The following SLC44A5 variants were observed in gnomAD, a reference collection of about 807,000 sequenced individuals.
SLC44A5 encodes the protein choline transporter-like protein 5.
Under a neutral mutation model 101.8 loss-of-function variants are expected in SLC44A5, and 57 were observed. The ratio of observed to expected loss-of-function variants is 0.56; its 90% CI spans 0.45 to 0.70. The LOEUF (loss-of-function observed/expected upper bound fraction) is 0.70, where lower values mean the gene tolerates loss of function less well. Among genes scored for constraint, SLC44A5 ranks in the 30% least tolerant of loss-of-function variants. The probability of loss-of-function intolerance (pLI) is 0.00; values close to 1 mark genes in which losing one functional copy is unlikely to be tolerated. For synonymous variants in SLC44A5, 281 were observed against 290.9 expected (o/e 0.97, Z 0.35); for missense variants, 737 against 853.1 (o/e 0.86, Z 1.70).
intron 1 of SLC44A5, among the ~76,000 whole-genome samples, chr1:75,547,157 C>A (rs1671694408): frequency 1.3e-5 from 2 of 152,198 alleles, no homozygotes; most frequent in South Asian, 2.1e-4. Flanking sequence ...GAAGATGAAA[C>A]CTGTGCAGGA....
At chr1:75,314,819 TTTAG>T in intron 4 of SLC44A5, among the ~76,000 whole-genome samples, 1 of 152,172 alleles carries the variant, frequency 6.6e-6, no homozygotes, top group East Asian at 1.9e-4. Context: ...ATTGCTTTGT[TTTAG>T]TTAGTGTTCA....
At chr1:75,397,544 C>T (rs191060422) in intron 2 of SLC44A5, among the ~76,000 whole-genome samples, 7 of 152,160 alleles carry the variant, frequency 4.6e-5, no homozygotes, top group African/African-American at 7.2e-5. Flanking sequence ...ATAATAATAA[C>T]GATAATTAAA....
intron 2 of SLC44A5, among the ~76,000 whole-genome samples, chr1:75,514,783 T>C (rs1313364262): frequency 6.6e-6 from 1 of 152,158 alleles, no homozygotes; most frequent in Non-Finnish European, 1.5e-5. Flanking sequence ...AGACCATATT[T>C]CCAGTACAAT....
intron 3 of SLC44A5, among the ~76,000 whole-genome samples, chr1:75,388,387 T>C (rs1005688822): frequency 1.3e-5 from 2 of 151,772 alleles, no homozygotes; most frequent in Non-Finnish European, 2.9e-5. Context: ...ACAGAACCTA[T>C]AAAAAATAAC....
intron 2 of SLC44A5, among the ~76,000 whole-genome samples, chr1:75,409,425 A>T (rs1011076255): frequency 9.2e-5 from 14 of 152,028 alleles, no homozygotes; most frequent in Non-Finnish European, 1.8e-4. Context: ...AATTTTTTTT[A>T]AAAAAGAAAG....
intron 3 of SLC44A5, among the ~76,000 whole-genome samples, chr1:75,392,591 TG>T (rs1349512695): frequency 2.0e-5 from 3 of 152,214 alleles, no homozygotes; most frequent in African/African-American, 7.2e-5. Context: ...GAAAGCAGTT[TG>T]GAGATTTCTC....
At chr1:75,564,036 A>G (rs1296143900) in intron 1 of SLC44A5, among the ~76,000 whole-genome samples, 1 of 152,222 alleles carries the variant, frequency 6.6e-6, no homozygotes, top group Non-Finnish European at 1.5e-5. Flanking sequence ...CCCTCTCTAC[A>G]TATTTAGATG....
At chr1:75,385,844 C>A (rs6665785) in intron 3 of SLC44A5, among the ~76,000 whole-genome samples, 77,289 of 151,272 alleles carry the variant, frequency 0.51, 21,602 homozygotes, top group East Asian at 0.94. Context: ...GCAGCACATC[C>A]AAAAGCTTAT....
intron 13 of SLC44A5, among the ~76,000 whole-genome samples, chr1:75,227,079 G>A (rs1031432397): frequency 6.6e-6 from 1 of 152,008 alleles, no homozygotes; most frequent in African/African-American, 2.4e-5. Flanking sequence ...TTTCAGGCTG[G>A]GCACGGTGGC....
intron 2 of SLC44A5, among the ~76,000 whole-genome samples, chr1:75,515,567 T>C (rs1400365649): frequency 6.6e-6 from 1 of 152,248 alleles, no homozygotes; most frequent in African/African-American, 2.4e-5. Context: ...CTCAGCACGA[T>C]GTTCTCCAAT....
intron 1 of SLC44A5, among the ~76,000 whole-genome samples, chr1:75,593,330 C>T (rs914260873): frequency 6.6e-6 from 1 of 151,916 alleles, no homozygotes; most frequent in Non-Finnish European, 1.5e-5. Context: ...AAAAGACAGG[C>T]AATAACAAAT....
intron 3 of SLC44A5, among the ~76,000 whole-genome samples, chr1:75,354,253 C>G (rs74938664): frequency 0.012 from 1,863 of 152,226 alleles, 35 homozygotes; most frequent in African/African-American, 0.043. Flanking sequence ...GGTGGGTGTT[C>G]TAGGCATTCT....
At chr1:75,664,796 C>T in the SLC44A5 span, among the ~76,000 whole-genome samples, 2 of 151,812 alleles carry the variant, frequency 1.3e-5, no homozygotes, top group African/African-American at 2.4e-5. Flanking sequence ...TGGTGGGCGC[C>T]TGTAGTCCCA....
intron 2 of SLC44A5, among the ~76,000 whole-genome samples, chr1:75,406,081 C>A (rs536913532): frequency 2.6e-5 from 4 of 152,212 alleles, no homozygotes; most frequent in African/African-American, 9.6e-5. Context: ...ATACTGTAAA[C>A]ACCTCTACAC....
chr1:75,262,476 T>C (rs145057108), intron 6 of SLC44A5, among the ~76,000 whole-genome samples: 8,201 of 152,072 alleles, frequency 0.054, 766 homozygotes, highest in African/African-American at 0.19. Flanking sequence ...TTCAAGGAAG[T>C]AAGAGAGGAC....
At chr1:75,451,627 C>G (rs535499360) in intron 2 of SLC44A5, among the ~76,000 whole-genome samples, 4 of 152,180 alleles carry the variant, frequency 2.6e-5, no homozygotes, top group African/African-American at 9.6e-5. Flanking sequence ...CATGGAAAAT[C>G]TGAAGGTAGT....
At chr1:75,722,029 GA>G in the SLC44A5 span, among the ~76,000 whole-genome samples, 8 of 152,158 alleles carry the variant, frequency 5.3e-5, no homozygotes, top group Non-Finnish European at 1.0e-4. Flanking sequence ...GGTTATATAG[GA>G]AAATGTCCTT....
intron 6 of SLC44A5, among the ~76,000 whole-genome samples, chr1:75,254,284 C>T (rs1269836679): frequency 6.6e-6 from 1 of 152,146 alleles, no homozygotes; most frequent in African/African-American, 2.4e-5. Context: ...GGTGATCTGC[C>T]TGCATCGGCC....
At chr1:75,481,095 C>T (rs1255638430) in intron 2 of SLC44A5, among the ~76,000 whole-genome samples, 5 of 152,180 alleles carry the variant, frequency 3.3e-5, no homozygotes, top group Admixed American at 2.0e-4. Flanking sequence ...TCAGAAGTAA[C>T]GCCACATATC....
Sources: allele counts gnomAD v4.1 joint callset (sites outside exome capture counted in the v4.1 genomes callset), GRCh38; gene constraint gnomAD v4.1.1; transcripts MANE v1.5; gene names NCBI Gene and HGNC (gene_info 2026-07-23, HGNC 2026-07-21).